The following TUBB8B variants were observed in gnomAD, a reference collection of about 807,000 sequenced individuals.
The protein encoded by TUBB8B is tubulin beta 8B, also known as HSA18p11 beta-tubulin 4Q pseudogene.
A neutral mutation model predicts 31.9 loss-of-function variants in TUBB8B; 26 were observed. That is an observed-to-expected ratio of 0.81 (90% CI 0.60 to 1.13). The LOEUF (loss-of-function observed/expected upper bound fraction) is 1.13. Ranked by LOEUF, TUBB8B falls within the 50% of genes most tolerant of loss-of-function variation. TUBB8B has a pLI of 0.00. For synonymous variants in TUBB8B, 173 were observed against 231.0 expected (o/e 0.75, Z 2.28); for missense variants, 467 against 586.7 (o/e 0.80, Z 2.11).
the TUBB8B span, among the ~76,000 whole-genome samples, chr18:70,654 G>T: frequency 1.3e-5 from 2 of 148,828 alleles, no homozygotes; most frequent in African/African-American, 5.2e-5. Context: ...AAAGAAAAAA[G>T]AAAAATACTG....
rs1416562298 is a variant in TUBB8B at position 48,455 on chromosome 18, A to G, written c.278-8T>C. The G allele has an allele frequency of 2.6e-6, 4 of 1,523,690 alleles. No homozygotes were observed. In the African/African-American group the frequency reaches 5.6e-5, roughly 22 times the overall value. 94.4% of individuals were successfully genotyped at this position (1,523,690 alleles called of 1,614,324 possible). A position where few individuals can be genotyped will look rare whatever the true frequency, so the allele number is the denominator to read the frequency against. On this transcript the variant is annotated splice_polypyrimidine_tract_variant and splice_region_variant and intron_variant, in intron 3 of 3. Coordinates refer to ENST00000308911, the MANE Select transcript of TUBB8B (RefSeq NM_001358689.2). ...TTCCGGCCCCACACTGACCTGTAAG[A>G]CAGCACAGCCGGTCACTCGACGGCC... is the stretch of plus-strand genomic sequence containing the variant.
At chr18:58,826 G>A in the TUBB8B span, among the ~76,000 whole-genome samples, 1 of 151,636 alleles carries the variant, frequency 6.6e-6, no homozygotes, top group Admixed American at 6.6e-5. Flanking sequence ...TTTTTAAAAA[G>A]GAGGTTTAAG....
chr18:48,383 C>G lies in TUBB8B; in HGVS notation c.342G>C (p.Glu114Asp). ...CCTTTCTGACAACGTCCATCACTGA[C>G]TCCGTCAGCTCCGCGCCTTCTGTGT... ...GRYTEGAELT[E>D]SVMDVVRKEA... Residue 114 changes from glutamate (E) to aspartate (D), a missense_variant, in exon 4 of 4, where the codon GAG becomes GAC. Physicochemically the swap from Glu to Asp is conservative, Grantham distance 45. Around this residue, in one of 2 missense-constraint regions of TUBB8B, gnomAD observed 259 missense variants for 380.1 expected, o/e 0.68. Transcript: ENST00000308911. The G allele has an allele frequency of 6.2e-7, 1 of 1,612,726 alleles. No individual in the cohort carries two copies. Among genetic ancestry groups the G allele is most frequent in the Non-Finnish European group, 8.5e-7 (1 of 1,178,838 alleles).
At chr18:56,138 T>C in the TUBB8B span, among the ~76,000 whole-genome samples, 3 of 151,890 alleles carry the variant, frequency 2.0e-5, no homozygotes, top group Non-Finnish European at 4.4e-5. Flanking sequence ...AAAATTAGTT[T>C]AGTTGTATGA....
the TUBB8B span, among the ~76,000 whole-genome samples, chr18:60,380 T>C: frequency 1.3e-5 from 2 of 151,766 alleles, no homozygotes; most frequent in African/African-American, 4.8e-5. Flanking sequence ...TAGCTAGCTG[T>C]CTAAATATTT....
the TUBB8B span, among the ~76,000 whole-genome samples, chr18:71,232 T>TA: frequency 0.34 from 48,419 of 144,066 alleles, 8,480 homozygotes; most frequent in East Asian, 0.47. Flanking sequence ...CCTTCTCTCT[T>TA]AAAAAAAAAA....
intron 3 of TUBB8B, chr18:48,730 C>T: frequency 1.4e-6 from 1 of 697,646 alleles, no homozygotes; most frequent in South Asian, 1.5e-5. Flanking sequence ...CAGCTCCCGG[C>T]AGGGACATCA....
At chr18:56,111 T>A in the TUBB8B span, among the ~76,000 whole-genome samples, 4 of 151,864 alleles carry the variant, frequency 2.6e-5, no homozygotes, top group African/African-American at 7.3e-5. Flanking sequence ...TGTTGTATGT[T>A]ATTGACACTT....
chr18:65,667 A>G, the TUBB8B span, among the ~76,000 whole-genome samples: 1 of 152,142 alleles, frequency 6.6e-6, no homozygotes, highest in Non-Finnish European at 1.5e-5. Flanking sequence ...CATTTTCATC[A>G]TTGTATTCAA....
chr18:48,090 G>T lies in TUBB8B; in HGVS notation c.635C>A (p.Ser212Tyr), dbSNP rs1444452688. The change falls in exon 4 of 4, where the codon TCC becomes TAC. Residue 212 changes from serine (S) to tyrosine (Y), a missense_variant. Ser to Tyr is a moderately radical substitution (Grantham distance 144, BLOSUM62 -2). Coordinates refer to ENST00000308911, the MANE Select transcript of TUBB8B (RefSeq NM_001358689.2). ...IDNEALYDICSRTLKLPTPTY... is the reference protein window; with the variant it reads ...IDNEALYDICYRTLKLPTPTY... ...GGGTGTGGGCAGTTTTAGGGTCCTG[G>T]AACATATGTCATATAGCGCTTCGTT... is the stretch of plus-strand genomic sequence containing the variant. The T allele has an allele frequency of 1.9e-6, 3 of 1,613,876 alleles. No homozygotes were observed. The Admixed American group carries it at 5.0e-5, about 27-fold the overall frequency.
chr18:60,813 G>A, the TUBB8B span, among the ~76,000 whole-genome samples: 1 of 151,554 alleles, frequency 6.6e-6, no homozygotes, highest in Non-Finnish European at 1.5e-5. Context: ...TTCCATTGTG[G>A]TCAGAGAAAA....
chr18:63,250 G>C, the TUBB8B span, among the ~76,000 whole-genome samples: 1 of 151,770 alleles, frequency 6.6e-6, no homozygotes, highest in Non-Finnish European at 1.5e-5. Flanking sequence ...TTCACAGTCT[G>C]GGCTTCTTTG....
chr18:57,948 G>A, the TUBB8B span, among the ~76,000 whole-genome samples: 1 of 151,842 alleles, frequency 6.6e-6, no homozygotes, highest in Admixed American at 6.6e-5. Flanking sequence ...TTGTAACTGG[G>A]CCAATTTGTG....
At chr18:71,568 TTAAAAAA>T in the TUBB8B span, among the ~76,000 whole-genome samples, 899 of 78,468 alleles carry the variant, frequency 0.011, 18 homozygotes, top group Admixed American at 0.016. Flanking sequence ...AAAAAAAAAT[TTAAAAAA>T]AAAAAAAAAA....
chr18:67,939 T>A, the TUBB8B span, among the ~76,000 whole-genome samples: 2 of 152,120 alleles, frequency 1.3e-5, no homozygotes, highest in African/African-American at 4.8e-5. Context: ...AATACAGATA[T>A]GACACCCGAA....
the TUBB8B span, among the ~76,000 whole-genome samples, chr18:63,626 G>GCCCTAA: frequency 2.0e-5 from 3 of 150,978 alleles, no homozygotes; most frequent in African/African-American, 7.3e-5. Flanking sequence ...CCTAGCCCTA[G>GCCCTAA]CCCTAACCCT....
the TUBB8B span, among the ~76,000 whole-genome samples, chr18:69,876 G>A: frequency 6.6e-6 from 1 of 152,208 alleles, no homozygotes; most frequent in Non-Finnish European, 1.5e-5. Context: ...AAGCTTATTG[G>A]CCAGGCACAG....
chr18:47,644 G>A lies in TUBB8B; in HGVS notation c.1081C>T (p.Leu361=). 6.2e-7 allele frequency: 1 copy of A among 1,612,664 alleles called. No homozygotes were observed. Among genetic ancestry groups the A allele is most frequent in the Admixed American group, 1.7e-5 (1 of 60,002 alleles). ...TAVCDIPPRG[L]KMSATFIGNN... is the part of the protein sequence containing the mutation. ...CCAATGAAGGTGGCTGACATTTTTA[G>A]CCCCCGGGGTGGGATGTCACAGACG... The change falls in exon 4 of 4, where the codon CTA becomes TTA. Residue 361 remains leucine (L), a synonymous_variant. Transcript: ENST00000308911.
upstream of TUBB8B, among the ~76,000 whole-genome samples, chr18:54,156 A>C (rs1906209868): frequency 2.0e-5 from 3 of 151,788 alleles, no homozygotes; most frequent in South Asian, 6.2e-4. Flanking sequence ...GGATAAGGAC[A>C]TTCCAAAGTT....
Sources: allele counts gnomAD v4.1 joint callset (sites outside exome capture counted in the v4.1 genomes callset), GRCh38; gene constraint gnomAD v4.1.1; regional missense constraint gnomAD v4.1.1; transcripts MANE v1.5; gene names NCBI Gene and HGNC (gene_info 2026-07-23, HGNC 2026-07-21).